Variants in KIAA1217 observed in about 807,000 individuals in gnomAD.
KIAA1217 encodes the protein KIAA1217.
KIAA1217 carries 88 observed loss-of-function variants against 163.9 expected under a neutral mutation model. That is an observed-to-expected ratio of 0.54 (90% CI 0.45 to 0.64). KIAA1217 has a LOEUF of 0.64. KIAA1217 is among the 30% of genes least tolerant of loss of function. KIAA1217 has a pLI of 0.00. For synonymous variants in KIAA1217, 903 were observed against 923.1 expected, an observed-to-expected ratio of 0.98 and a Z score of 0.39; for missense variants, 2,372 against 2,475.0, an observed-to-expected ratio of 0.96 and a Z score of 0.88.
chr10:24,296,124 G>T (rs1188870369), intron 2 of KIAA1217, among the ~76,000 whole-genome samples: 1 of 151,902 alleles, frequency 6.6e-6, no homozygotes, highest in Admixed American at 6.6e-5. Context: ...TCTTTTTGGA[G>T]ACAGGGGCCC....
At chr10:24,206,150 CTT>C (rs1473674412), upstream of KIAA1217, among the ~76,000 whole-genome samples, 1 of 152,168 alleles carries the variant, frequency 6.6e-6, no homozygotes, top group Non-Finnish European at 1.5e-5. Flanking sequence ...GAGTTGAAAA[CTT>C]AGCCTCCTGG....
rs1037011564 is a variant in KIAA1217 at position 23,979,593 on chromosome 10, A to C, written c.-320-27632A>C. ...GTTGATACGGAAAATCATACAAAAC[A>C]AATTTTGCTGTTGTTGTTTTCCCAA... On this transcript the variant is annotated intron_variant, in intron 1 of 18. Transcript: ENST00000376462. Among the ~76,000 whole-genome samples the C allele has an allele frequency of 7.9e-5, 12 of 152,324 alleles. No individual in the cohort carries two copies. In the South Asian group the frequency reaches 2.5e-3, roughly 32 times the overall value.
rs137970936 is a variant in KIAA1217, at chr10:23,766,502, T to A, written c.-321+71268T>A. 7.5e-3 allele frequency among the ~76,000 whole-genome samples: 1,142 copies of A among 152,304 alleles called. 9 individuals are homozygous for A. Among genetic ancestry groups the A allele is most frequent in the African/African-American group, 0.025 (1,050 of 41,560 alleles). On this transcript the variant is annotated intron_variant, in intron 1 of 18. Transcript: ENST00000376462. ...GACTCTGGAGCTGTTGGTATCACTATGTGCTCAAGTTAGTTGATTCTCTGG... is the reference window on the plus strand; with the variant it reads ...GACTCTGGAGCTGTTGGTATCACTAAGTGCTCAAGTTAGTTGATTCTCTGG...
chr10:24,446,520 T>C lies in KIAA1217; in HGVS notation c.846+8041T>C, dbSNP rs548897658. 3.9e-5 allele frequency among the ~76,000 whole-genome samples: 6 copies of C among 152,208 alleles called. No homozygotes were observed. The South Asian group carries it at 1.0e-3, about 26-fold the overall frequency. Reference sequence around the variant, plus strand: ...GCAGTGTTCTTGTTGAGAAGAGGGGTTTGGGATTCAGGGAGTATCAAGTCA... The same window carrying C: ...GCAGTGTTCTTGTTGAGAAGAGGGGCTTGGGATTCAGGGAGTATCAAGTCA... On this transcript the variant is annotated intron_variant, in intron 5 of 20. Coordinates refer to ENST00000376454, the MANE Select transcript of KIAA1217 (RefSeq NM_019590.5).
intron 1 of KIAA1217, among the ~76,000 whole-genome samples, chr10:23,930,262 T>C (rs1169567948): frequency 6.9e-6 from 1 of 144,784 alleles, no homozygotes; most frequent in Non-Finnish European, 1.5e-5. Flanking sequence ...ATTGATTTAT[T>C]TATGTTTCTG....
chr10:24,080,748 G>A (rs1347764318), intron 2 of KIAA1217, among the ~76,000 whole-genome samples: 1 of 152,094 alleles, frequency 6.6e-6, no homozygotes, highest in Admixed American at 6.5e-5. Context: ...GGTATGTAAA[G>A]TGTCTTTAAG....
At chr10:23,838,193 G>A (rs1838587015) in intron 1 of KIAA1217, among the ~76,000 whole-genome samples, 1 of 152,144 alleles carries the variant, frequency 6.6e-6, no homozygotes, top group Non-Finnish European at 1.5e-5. Flanking sequence ...ATCTTTGCGT[G>A]TTTCTCTGCT....
intron 2 of KIAA1217, among the ~76,000 whole-genome samples, chr10:24,041,943 C>G (rs182484752): frequency 0.016 from 2,396 of 149,510 alleles, 83 homozygotes; most frequent in African/African-American, 0.057. Flanking sequence ...AAGGGAGTAT[C>G]GTGTGTGTGT....
At chr10:24,495,405 C>T (rs190306550) in intron 8 of KIAA1217, among the ~76,000 whole-genome samples, 24 of 152,298 alleles carry the variant, frequency 1.6e-4, no homozygotes, top group African/African-American at 3.8e-4. Context: ...TTCATTCATT[C>T]GCTCATTCAT....
chr10:24,272,286 T>C (rs552606718), intron 2 of KIAA1217, among the ~76,000 whole-genome samples: 29 of 152,348 alleles, frequency 1.9e-4, no homozygotes, highest in African/African-American at 6.3e-4. Flanking sequence ...GACTAGTAGC[T>C]AGGAGTGCTT....
At chr10:24,376,216 T>C (rs2052469187) in intron 2 of KIAA1217, among the ~76,000 whole-genome samples, 1 of 152,240 alleles carries the variant, frequency 6.6e-6, no homozygotes, top group Non-Finnish European at 1.5e-5. Flanking sequence ...TACATATATC[T>C]ATGGAGCAGG....
At chr10:23,922,350 A>G (rs1477847005) in intron 1 of KIAA1217, among the ~76,000 whole-genome samples, 1 of 152,196 alleles carries the variant, frequency 6.6e-6, no homozygotes, top group East Asian at 1.9e-4. Context: ...ATCTTTTCTA[A>G]TAAACCAGTA....
chr10:23,949,754 TA>T (rs1844242650), intron 1 of KIAA1217, among the ~76,000 whole-genome samples: 1 of 152,162 alleles, frequency 6.6e-6, no homozygotes, highest in South Asian at 2.1e-4. Flanking sequence ...GTGTTGTATA[TA>T]AAAAGTGAGA....
At chr10:24,455,153 T>C (rs2061671483) in intron 5 of KIAA1217, among the ~76,000 whole-genome samples, 1 of 152,218 alleles carries the variant, frequency 6.6e-6, no homozygotes, top group South Asian at 2.1e-4. Flanking sequence ...TCTGAAGAAA[T>C]TTACTGAAAT....
At chr10:24,275,599 C>T in intron 2 of KIAA1217, 1 of 456,614 alleles carries the variant, frequency 2.2e-6, no homozygotes, top group Non-Finnish European at 4.4e-6. Context: ...ACAGAATCTG[C>T]TAGTAATGAG....
rs188610668 is a variant in KIAA1217, at chr10:23,967,832, A to G, written c.-320-39393A>G. Among the ~76,000 whole-genome samples, 5 of 152,018 alleles carry G rather than the reference A, an allele frequency of 3.3e-5. No individual in the cohort carries two copies. In the East Asian group the frequency reaches 9.7e-4, roughly 29 times the overall value. ...TGGTAATATATAATTTGGTCCTCTA[A>G]TTGCTTAGGCACTTAGACATTAGGT... On this transcript the variant is annotated intron_variant, in intron 1 of 18. Coordinates refer to the KIAA1217 transcript ENST00000376462.
chr10:24,529,179 G>A (rs1159258064), intron 14 of KIAA1217, among the ~76,000 whole-genome samples: 1 of 152,104 alleles, frequency 6.6e-6, no homozygotes, highest in Non-Finnish European at 1.5e-5. Flanking sequence ...CCACCGTACA[G>A]TCATCCCTTG....
chr10:23,851,746 C>A (rs1326539101), intron 1 of KIAA1217, among the ~76,000 whole-genome samples: 1 of 152,144 alleles, frequency 6.6e-6, no homozygotes, highest in East Asian at 1.9e-4. Flanking sequence ...TTTTGATTTG[C>A]ATTTCTCTGA....
At chr10:24,319,450 G>A (rs2043847894) in intron 2 of KIAA1217, among the ~76,000 whole-genome samples, 2 of 146,734 alleles carry the variant, frequency 1.4e-5, no homozygotes, top group South Asian at 4.3e-4. Flanking sequence ...GGAGACTAGA[G>A]ACACAGGGAA....
Sources: gnomAD v4.1 joint callset for allele counts (sites outside exome capture counted in the v4.1 genomes callset) on GRCh38, gnomAD v4.1.1 for gene constraint, MANE v1.5 for transcripts, NCBI Gene and HGNC (gene_info 2026-07-23, HGNC 2026-07-21) for gene names.